TLE5: variants seen among roughly 807,000 people sequenced by gnomAD.
TLE5 encodes TLE family member 5.
A neutral mutation model predicts 25.8 loss-of-function variants in TLE5; 7 were observed. The ratio of observed to expected loss-of-function variants is 0.27; its 90% confidence interval spans 0.15 to 0.51. The LOEUF (loss-of-function observed/expected upper bound fraction) is 0.51, where lower values mean the gene tolerates loss of function less well. TLE5 is among the 20% of genes least tolerant of loss of function. TLE5 has a pLI of 0.97. For synonymous variants in TLE5, 132 were observed against 110.5 expected (o/e 1.20, Z -1.22); for missense variants, 149 against 250.7 (o/e 0.59, Z 2.74).
At position 3,061,142 on chromosome 19, in the gene TLE5, C is replaced by G; in HGVS notation, c.125+18G>C. 6.3e-7 allele frequency: 1 copy of G among 1,597,050 alleles called. No homozygotes were observed. Among genetic ancestry groups the G allele is most frequent in the East Asian group, 2.2e-5 (1 of 44,782 alleles). ...CTCACATTCTCGGGACGCAGGGACCCCCAGTCCCCCAGCTCACCTGTGGTA... is the reference window on the plus strand; with the variant it reads ...CTCACATTCTCGGGACGCAGGGACCGCCAGTCCCCCAGCTCACCTGTGGTA... On this transcript the variant is annotated intron_variant, in intron 2 of 6. Transcript: ENST00000327141.
At chr19:3,056,214 C>T (rs1251324655) in intron 4 of TLE5, 98 bp downstream of exon 4, 38 of 815,328 alleles carry the variant, frequency 4.7e-5, no homozygotes, top group African/African-American at 2.3e-4. Flanking sequence ...AGCCGAGGGC[C>T]GGCCGCTACC....
upstream of TLE5, chr19:3,062,533 C>T: frequency 1.4e-6 from 1 of 696,938 alleles, no homozygotes; most frequent in Non-Finnish European, 1.8e-6. Flanking sequence ...TCGGCTCCAC[C>T]TGCCGCCGCC....
At chr19:3,056,136 G>A (rs10426178) in intron 4 of TLE5, 176 bp downstream of exon 4, 61 of 528,162 alleles carry the variant, frequency 1.2e-4, no homozygotes, top group African/African-American at 8.4e-4. Context: ...GGCGGGGCGG[G>A]GGGGAGGAGA....
In TLE5 at chr19:3,053,261, C is replaced by T. The variant is rs369684124; in HGVS notation, c.*558G>A. On this transcript the variant is annotated 3_prime_UTR_variant, in exon 7 of 7. Transcript: ENST00000327141. ...AGCTAAGCTCGTCCCTCGTGCCCCC[C>T]CTTTTGTGGGCGATGGGAGAGGACC... The T allele has an allele frequency of 3.9e-5, 6 of 153,634 alleles. No homozygotes were observed. The highest frequency in any genetic ancestry group is 1.9e-4 in the East Asian group (1 of 5,200). 9.5% of individuals were successfully genotyped at this position (153,634 alleles called of 1,614,324 possible). A position where few individuals can be genotyped will look rare whatever the true frequency, so the allele number is the denominator to read the frequency against.
intron 2 of TLE5, among the ~76,000 whole-genome samples, chr19:3,060,495 GCTAA>G (rs1193962339): frequency 1.3e-5 from 2 of 151,884 alleles, no homozygotes; most frequent in Non-Finnish European, 2.9e-5. Context: ...ACCACACCCA[GCTAA>G]CTATGTATTT....
chr19:3,062,760 C>T (rs1315293708), upstream of TLE5: 2 of 1,547,668 alleles, frequency 1.3e-6, no homozygotes, highest in Non-Finnish European at 1.7e-6. Flanking sequence ...CGGCTGCCCG[C>T]GTCGAAGCCG....
In TLE5 at chr19:3,054,049, C is replaced by CGG; in HGVS notation, c.373-11_373-10dup. 1 of 1,577,084 alleles carries CGG rather than the reference C, an allele frequency of 6.3e-7. No homozygotes were observed. ...TGGGCTTGGAGCTGCTGCTGCAGGGCGGGGGAGGGGAACATTAGCTGCCTG... is the reference window on the plus strand; with the variant it reads ...TGGGCTTGGAGCTGCTGCTGCAGGGCGGGGGGGAGGGGAACATTAGCTGCCTG... On this transcript the variant is annotated splice_polypyrimidine_tract_variant and intron_variant, in intron 6 of 6. Coordinates refer to ENST00000327141, the MANE Select transcript of TLE5 (RefSeq NM_001130.6).
chr19:3,056,025 C>A, intron 4 of TLE5: 1 of 519,440 alleles, frequency 1.9e-6, no homozygotes. Context: ...GTAGTAAGCG[C>A]TTGTGCGAAT....
chr19:3,054,086 T>TGGGGGGGGGGGGGGGCCCCCC, intron 6 of TLE5, 34 bp downstream of exon 6: 3 of 1,512,786 alleles, frequency 2.0e-6, no homozygotes, highest in Non-Finnish European at 2.7e-6. Flanking sequence ...GGCCCACCTG[T>TGGGGGGGGGGGGGGGCCCCCC]CCCCCGCCCA....
chr19:3,059,347 G>C (rs1599272905), intron 2 of TLE5, among the ~76,000 whole-genome samples: 2 of 151,894 alleles, frequency 1.3e-5, no homozygotes, highest in Admixed American at 6.6e-5. Context: ...CATAACGAAA[G>C]CCCGTCTCTA....
In TLE5 at chr19:3,054,050, G is replaced by A. The variant is rs746309429; in HGVS notation, c.373-10C>T. The A allele has an allele frequency of 1.0e-5, 16 of 1,576,202 alleles. No individual in the cohort carries two copies. The highest frequency in any genetic ancestry group is 2.3e-4 in the Middle Eastern group (1 of 4,434). On this transcript the variant is annotated splice_polypyrimidine_tract_variant and intron_variant, in intron 6 of 6. Coordinates refer to ENST00000327141, the MANE Select transcript of TLE5 (RefSeq NM_001130.6). ...GGGCTTGGAGCTGCTGCTGCAGGGC[G>A]GGGGAGGGGAACATTAGCTGCCTGG...
At position 3,056,336 on chromosome 19, in the gene TLE5, G is replaced by T. The variant is rs1309679892; in HGVS notation, c.210C>A (p.Gly70=). 1 of 1,408,700 alleles carries T rather than the reference G, an allele frequency of 7.1e-7. No homozygotes were observed. The highest frequency in any genetic ancestry group is 9.4e-7 in the Non-Finnish European group (1 of 1,060,746). 87.3% of individuals were successfully genotyped at this position (1,408,700 alleles called of 1,614,324 possible). A position where few individuals can be genotyped will look rare whatever the true frequency, so the allele number is the denominator to read the frequency against. Residue 70 remains glycine (G), a synonymous_variant, in exon 4 of 7, where the codon GGC becomes GGA. Coordinates refer to ENST00000327141, the MANE Select transcript of TLE5 (RefSeq NM_001130.6). The part of the protein sequence containing the change: ...HYVMYYEMSY[G]LNIEMHKQAE... ...CCTGTTTGTGCATCTCGATGTTCAA[G>T]CCGTAGGACATCTCGTAGTACTGTA...
intron 1 of TLE5, among the ~76,000 whole-genome samples, chr19:3,061,589 G>T (rs995810331): frequency 6.6e-6 from 1 of 151,778 alleles, no homozygotes; most frequent in Admixed American, 6.6e-5. Context: ...TCCGAGGGGG[G>T]TAGAAACGCG....
At chr19:3,056,945 T>C (rs1289589837) in intron 3 of TLE5, among the ~76,000 whole-genome samples, 1 of 152,162 alleles carries the variant, frequency 6.6e-6, no homozygotes, top group Non-Finnish European at 1.5e-5. Flanking sequence ...CTACTCATCC[T>C]GCAAGACCCC....
chr19:3,053,958 G>A lies in TLE5; in HGVS notation c.455C>T (p.Pro152Leu). The A allele has an allele frequency of 1.2e-6, 2 of 1,611,510 alleles. No individual in the cohort carries two copies. The highest frequency in any genetic ancestry group is 1.1e-5 in the South Asian group (1 of 90,924). The change falls in exon 7 of 7, where the codon CCT becomes CTT. Residue 152 changes from proline to leucine, a missense_variant. Physicochemically the swap from Pro to Leu is moderately conservative, Grantham distance 98 (BLOSUM62 -3). Coordinates refer to ENST00000327141, the MANE Select transcript of TLE5 (RefSeq NM_001130.6). ...GCCTGCGCTGACCGCCGGCAGCGAAGGCGGCTGCAGCCCCACGGGTAGTGG... is the reference window on the plus strand; with the variant it reads ...GCCTGCGCTGACCGCCGGCAGCGAAAGCGGCTGCAGCCCCACGGGTAGTGG... The part of the protein sequence containing the change: ...LTPLPVGLQP[P>L]SLPAVSAGTG...
chr19:3,059,522 A>C (rs969635441), intron 2 of TLE5, among the ~76,000 whole-genome samples: 1 of 152,202 alleles, frequency 6.6e-6, no homozygotes, highest in Non-Finnish European at 1.5e-5. Flanking sequence ...CTCCGTCTCA[A>C]AAAAATAAAA....
In TLE5 at chr19:3,054,207, C is replaced by CG; in HGVS notation, c.298-14dup. ...CCTGCTGCTGGTGCTGGAAGGGGGT[C>CG]GGGGGAGAGGAGAGGCAGTGATTCC... is the stretch of plus-strand genomic sequence containing the variant. On this transcript the variant is annotated splice_polypyrimidine_tract_variant and intron_variant, in intron 5 of 6. Transcript: ENST00000327141. The CG allele has an allele frequency of 6.2e-7, 1 of 1,601,424 alleles. No individual in the cohort carries two copies. Among genetic ancestry groups the CG allele is most frequent in the Non-Finnish European group, 8.5e-7 (1 of 1,177,090 alleles).
At position 3,053,541 on chromosome 19, in the gene TLE5, C is replaced by T; in HGVS notation, c.*278G>A. ...GTCTTGCTCCCTTGGGACCTGGTCT[C>T]CCATCTGACCCTCCAGGCCTTAGCT... On this transcript the variant is annotated 3_prime_UTR_variant, in exon 7 of 7. Coordinates refer to ENST00000327141, the MANE Select transcript of TLE5 (RefSeq NM_001130.6). The T allele has an allele frequency of 1.9e-6, 1 of 531,118 alleles. No homozygotes were observed. The highest frequency in any genetic ancestry group is 3.4e-6 in the Non-Finnish European group (1 of 297,178). The allele number at this position is 531,118 out of a possible 1,614,324, so 32.9% of individuals were successfully genotyped here.
chr19:3,056,557 T>C (rs2090220709), intron 3 of TLE5: 5 of 633,688 alleles, frequency 7.9e-6, no homozygotes, highest in African/African-American at 1.8e-5. Context: ...CAGCCCGCCC[T>C]GGAGAGGGGC....
Sources: gnomAD v4.1 joint callset for allele counts (sites outside exome capture counted in the v4.1 genomes callset) on GRCh38, gnomAD v4.1.1 for gene constraint, MANE v1.5 for transcripts, NCBI Gene and HGNC (gene_info 2026-07-23, HGNC 2026-07-21) for gene names.